GREB1: variants seen among roughly 807,000 people sequenced by gnomAD.
GREB1 encodes growth regulating estrogen receptor binding 1.
Under a neutral mutation model 200.7 loss-of-function variants are expected in GREB1, and 106 were observed. That is an observed-to-expected ratio of 0.53 (90% CI 0.45 to 0.62). GREB1 has a LOEUF of 0.62. Among genes scored for constraint, GREB1 ranks in the 20% least tolerant of loss-of-function variants. The probability of loss-of-function intolerance (pLI) is 0.00; values close to 1 mark genes in which losing one functional copy is unlikely to be tolerated. For missense variants in GREB1, 2,243 were observed against 2,556.8 expected, an observed-to-expected ratio of 0.88 and a Z score of 2.65; for synonymous variants, 1,132 against 1,092.4, an observed-to-expected ratio of 1.04 and a Z score of -0.72.
At chr2:11,586,443 G>A (rs759430737) in intron 9 of GREB1, among the ~76,000 whole-genome samples, 1 of 152,234 alleles carries the variant, frequency 6.6e-6, no homozygotes, top group Non-Finnish European at 1.5e-5. Flanking sequence ...GCTAACGTAC[G>A]CTACGTGGGG....
intron 22 of GREB1, among the ~76,000 whole-genome samples, chr2:11,619,266 C>T (rs747966708): frequency 8.5e-5 from 13 of 152,226 alleles, no homozygotes; most frequent in South Asian, 2.1e-4. Flanking sequence ...TGGAAGGTTT[C>T]GGTGAACCAT....
At chr2:11,498,954 G>C (rs1393893797) in intron 1 of GREB1, among the ~76,000 whole-genome samples, 1 of 152,238 alleles carries the variant, frequency 6.6e-6, no homozygotes, top group African/African-American at 2.4e-5. Flanking sequence ...TATTTTGGAA[G>C]TGTGGGTTTT....
At chr2:11,510,256 G>A (rs1362524427) in intron 1 of GREB1, among the ~76,000 whole-genome samples, 1 of 152,222 alleles carries the variant, frequency 6.6e-6, no homozygotes, top group Non-Finnish European at 1.5e-5. Context: ...ATGCCAGAGT[G>A]ATGGTATGTA....
intron 4 of GREB1, among the ~76,000 whole-genome samples, chr2:11,574,211 C>T (rs766699095): frequency 1.3e-4 from 20 of 152,346 alleles, no homozygotes; most frequent in East Asian, 7.7e-4. Context: ...CTGCCTGCCA[C>T]GTGTTGGGTA....
intron 17 of GREB1, among the ~76,000 whole-genome samples, chr2:11,609,264 T>TTATTTATTTATC (rs1682700075): frequency 6.7e-6 from 1 of 149,666 alleles, no homozygotes; most frequent in Non-Finnish European, 1.5e-5. Context: ...ATTTATTTAT[T>TTATTTATTTATC]TATTTATTTA....
chr2:11,591,268 A>T, intron 10 of GREB1: 1 of 663,576 alleles, frequency 1.5e-6, no homozygotes, highest in Non-Finnish European at 2.8e-6. Context: ...CCCACAGAGC[A>T]GGTGTCATGA....
upstream of GREB1, among the ~76,000 whole-genome samples, chr2:11,531,410 C>T (rs761876879): frequency 2.0e-5 from 3 of 151,748 alleles, no homozygotes; most frequent in Non-Finnish European, 2.9e-5. Flanking sequence ...TCAAGCTTGA[C>T]GGAATTTCAT....
At chr2:11,535,194 G>C (rs1005922669) in intron 1 of GREB1, among the ~76,000 whole-genome samples, 1 of 152,150 alleles carries the variant, frequency 6.6e-6, no homozygotes, top group African/African-American at 2.4e-5. Context: ...CCCAACACTT[G>C]TCTGGCGTAT....
intron 1 of GREB1, among the ~76,000 whole-genome samples, chr2:11,523,691 G>A (rs1439228170): frequency 6.6e-6 from 1 of 152,138 alleles, no homozygotes; most frequent in Non-Finnish European, 1.5e-5. Context: ...AAGACGGGAG[G>A]ACCTGCAAAC....
chr2:11,569,707 C>G (rs559116871), intron 4 of GREB1, among the ~76,000 whole-genome samples: 1 of 152,356 alleles, frequency 6.6e-6, no homozygotes, highest in East Asian at 1.9e-4. Flanking sequence ...GAGAGGCTAA[C>G]TGACTTGCTC....
At chr2:11,555,390 T>C (rs1676332392) in intron 1 of GREB1, among the ~76,000 whole-genome samples, 1 of 152,146 alleles carries the variant, frequency 6.6e-6, no homozygotes, top group African/African-American at 2.4e-5. Flanking sequence ...CTAAAAACAT[T>C]TGCAAGAGGG....
Position 11,534,240 on chromosome 2 carries a change from G to A in GREB1, c.-176G>A, listed in dbSNP as rs1488196433. 4 of 152,320 alleles carry A rather than the reference G, an allele frequency of 2.6e-5. No homozygotes were observed. The highest frequency in any genetic ancestry group is 2.1e-4 in the South Asian group (1 of 4,836). The allele number at this position is 152,320 out of a possible 1,614,324, so 9.4% of individuals were successfully genotyped here. A position where few individuals can be genotyped will look rare whatever the true frequency, so the allele number is the denominator to read the frequency against. Reference sequence around the variant, plus strand: ...TGTGGAAGGACATGGCTTTTAACACGTGTGGTGACTGGAGGTAGGTGGTAG... The same window carrying A: ...TGTGGAAGGACATGGCTTTTAACACATGTGGTGACTGGAGGTAGGTGGTAG... On this transcript the variant is annotated 5_prime_UTR_variant, in exon 1 of 33. It adds an upstream start codon to the 5' untranslated region. Coordinates refer to ENST00000381486, the MANE Select transcript of GREB1 (RefSeq NM_014668.4).
intron 3 of GREB1, among the ~76,000 whole-genome samples, chr2:11,564,117 C>T (rs6432217): frequency 0.072 from 10,981 of 152,136 alleles, 982 homozygotes; most frequent in African/African-American, 0.21. Context: ...AATTACAGCT[C>T]ATTTGGAGGA....
intron 25 of GREB1, among the ~76,000 whole-genome samples, chr2:11,628,172 G>T (rs1684617651): frequency 6.6e-6 from 1 of 152,220 alleles, no homozygotes; most frequent in African/African-American, 2.4e-5. Flanking sequence ...TGTTTAGACT[G>T]GTCTCTTAGT....
intron 4 of GREB1, among the ~76,000 whole-genome samples, chr2:11,571,973 A>G (rs1267595040): frequency 6.6e-6 from 1 of 152,176 alleles, no homozygotes; most frequent in Non-Finnish European, 1.5e-5. Flanking sequence ...CGCCTCCCAA[A>G]GTGCTGGGAT....
At chr2:11,543,221 GGT>G (rs1674935369) in intron 1 of GREB1, among the ~76,000 whole-genome samples, 1 of 152,144 alleles carries the variant, frequency 6.6e-6, no homozygotes, top group Non-Finnish European at 1.5e-5. Context: ...CGTTTCAATA[GGT>G]GTACTCCTAA....
chr2:11,508,727 C>T (rs1385352115), intron 1 of GREB1, among the ~76,000 whole-genome samples: 4 of 152,174 alleles, frequency 2.6e-5, no homozygotes, highest in Admixed American at 6.5e-5. Context: ...GAAGATTTCT[C>T]TTTCTAGATC....
At chr2:11,571,792 G>A (rs932050463) in intron 4 of GREB1, among the ~76,000 whole-genome samples, 1 of 151,844 alleles carries the variant, frequency 6.6e-6, no homozygotes, top group Non-Finnish European at 1.5e-5. Flanking sequence ...CTCACTGCAA[G>A]CTCCACCTCC....
chr2:11,618,658 G>A lies in GREB1; in HGVS notation c.3783G>A (p.Leu1261=), dbSNP rs746895191. The part of the protein sequence containing the change: ...KACRQPPIVF[L]PKLVYDMVVS... ...GCCGCCAGCCACCCATTGTCTTCTT[G>A]CCCAAGCTCGTGTACGACATGGTTG... Residue 1261 remains leucine (L), a synonymous_variant, in exon 22 of 33, where the codon TTG becomes TTA. Coordinates refer to ENST00000381486, the MANE Select transcript of GREB1 (RefSeq NM_014668.4). The A allele has an allele frequency of 3.7e-6, 6 of 1,613,606 alleles. No homozygotes were observed. In the Admixed American group the frequency reaches 8.3e-5, roughly 22 times the overall value.
Sources: gnomAD v4.1 joint callset for allele counts (sites outside exome capture counted in the v4.1 genomes callset) on GRCh38, gnomAD v4.1.1 for gene constraint, MANE v1.5 for transcripts, NCBI Gene and HGNC (gene_info 2026-07-23, HGNC 2026-07-21) for gene names.